CACNA1D: variants seen among roughly 807,000 people sequenced by gnomAD.
CACNA1D encodes the protein voltage-dependent L-type calcium channel subunit alpha-1D.
Under a neutral mutation model 257.1 loss-of-function variants are expected in CACNA1D, and 55 were observed. The ratio of observed to expected loss-of-function variants is 0.21; its 90% CI spans 0.17 to 0.27. The LOEUF is 0.27. Among genes scored for constraint, CACNA1D ranks in the 10% least tolerant of loss-of-function variants. The pLI is 1.00. For synonymous variants in CACNA1D, 980 were observed against 1,014.9 expected (o/e 0.97, Z 0.65); for missense variants, 1,876 against 2,784.0 (o/e 0.67, Z 7.34).
rs765175731 is a variant in CACNA1D at position 53,747,351 on chromosome 3, C to T, written c.3217C>T (p.Arg1073Cys). The change falls in exon 26 of 48, where the codon CGT becomes TGT. Residue 1073 changes from arginine to cysteine, a missense_variant. Transcript: ENST00000350061. ...TGGGGATGTTGACAGTCCTGTGGTC[C>T]GTGAACGGATCTGGCAAAACAGTGA... ...KDGDVDSPVV[R>C]ERIWQNSDFN... 7.4e-6 allele frequency: 12 copies of T among 1,613,804 alleles called. No homozygotes were observed. The highest frequency in any genetic ancestry group is 2.2e-5 in the South Asian group (2 of 91,078).
At chr3:53,739,042 A>G (rs1332097262) in intron 20 of CACNA1D, among the ~76,000 whole-genome samples, 2 of 152,196 alleles carry the variant, frequency 1.3e-5, no homozygotes, top group Non-Finnish European at 2.9e-5. Context: ...AACCAGAAAC[A>G]GTTTGGAAAG....
chr3:53,746,401 A>G (rs1023392643), intron 25 of CACNA1D, among the ~76,000 whole-genome samples: 1 of 152,188 alleles, frequency 6.6e-6, no homozygotes, highest in African/African-American at 2.4e-5. Context: ...AAGAACTGGC[A>G]GAGGAGAGAC....
chr3:53,740,194 T>C, intron 20 of CACNA1D, 86 bp from the exon 21 acceptor site: 1 of 967,698 alleles, frequency 1.0e-6, no homozygotes, highest in African/African-American at 1.6e-5. Flanking sequence ...GGTCTCTGAC[T>C]GGATCGGGGG....
intron 32 of CACNA1D, among the ~76,000 whole-genome samples, chr3:53,770,790 G>A (rs751720841): frequency 1.3e-5 from 2 of 152,238 alleles, no homozygotes. Context: ...TGAGAGATCT[G>A]TAGCATTTCC....
At position 53,749,350 on chromosome 3, in the gene CACNA1D, A is replaced by T. The variant is rs779504539; in HGVS notation, c.3397A>T (p.Ile1133Phe). ...NHRVEISIFF[I>F]IYIIIVAFFM... ...CCGCGTGGAGATCTCCATCTTCTTC[A>T]TCATCTACATCATCATTGTAGCTTT... Residue 1133 changes from isoleucine to phenylalanine, a missense_variant, in exon 27 of 48, where the codon ATC (isoleucine) becomes TTC (phenylalanine). Ile to Phe is a conservative substitution (Grantham distance 21). Coordinates refer to ENST00000350061, the MANE Select transcript of CACNA1D (RefSeq NM_001128840.3). The T allele has an allele frequency of 3.1e-6, 5 of 1,611,880 alleles. No individual in the cohort carries two copies. The highest frequency in any genetic ancestry group is 1.3e-5 in the African/African-American group (1 of 74,668).
chr3:53,693,790 G>A (rs2094549586), intron 8 of CACNA1D, among the ~76,000 whole-genome samples: 1 of 151,924 alleles, frequency 6.6e-6, no homozygotes, highest in Non-Finnish European at 1.5e-5. Flanking sequence ...TTTCAATGGA[G>A]GTTATGTTGT....
intron 5 of CACNA1D, among the ~76,000 whole-genome samples, chr3:53,661,820 G>A (rs962904022): frequency 4.6e-5 from 7 of 152,178 alleles, no homozygotes; most frequent in African/African-American, 1.4e-4. Context: ...GTTTTAAACT[G>A]TATTTCTTCC....
intron 3 of CACNA1D, among the ~76,000 whole-genome samples, chr3:53,558,346 A>G (rs1464024934): frequency 6.6e-6 from 1 of 152,132 alleles, no homozygotes; most frequent in Non-Finnish European, 1.5e-5. Context: ...TTTTTTGAAC[A>G]TTTGGTAGAA....
chr3:53,595,855 C>T (rs2093363454), intron 3 of CACNA1D, among the ~76,000 whole-genome samples: 1 of 152,140 alleles, frequency 6.6e-6, no homozygotes, highest in Non-Finnish European at 1.5e-5. Context: ...CATTTTGTGA[C>T]ATGTGCCTGG....
At chr3:53,530,688 T>C (rs1324660433) in intron 3 of CACNA1D, among the ~76,000 whole-genome samples, 1 of 152,160 alleles carries the variant, frequency 6.6e-6, no homozygotes, top group East Asian at 1.9e-4. Context: ...GGTGTGCATG[T>C]TCTCCAATGC....
intron 40 of CACNA1D, among the ~76,000 whole-genome samples, chr3:53,798,352 C>T (rs530457268): frequency 3.2e-4 from 49 of 151,928 alleles, no homozygotes; most frequent in Middle Eastern, 3.4e-3. Flanking sequence ...TGTGTGTGCA[C>T]GTGCACGCAC....
intron 4 of CACNA1D, among the ~76,000 whole-genome samples, chr3:53,655,797 C>T (rs2094142306): frequency 6.6e-6 from 1 of 152,084 alleles, no homozygotes; most frequent in Non-Finnish European, 1.5e-5. Context: ...GCCCATATGT[C>T]AGGTTTTGCT....
At chr3:53,646,282 G>A (rs188411839) in intron 3 of CACNA1D, among the ~76,000 whole-genome samples, 1 of 152,330 alleles carries the variant, frequency 6.6e-6, no homozygotes, top group Non-Finnish European at 1.5e-5. Flanking sequence ...GAGGCCAGGT[G>A]AGATATTGAG....
intron 3 of CACNA1D, among the ~76,000 whole-genome samples, chr3:53,620,168 T>TAG (rs1433331895): frequency 6.6e-6 from 1 of 152,012 alleles, no homozygotes; most frequent in African/African-American, 2.4e-5. Flanking sequence ...CCAGGACAGG[T>TAG]GTCTAGTGAG....
chr3:53,782,256 G>GTATATATATATATA (rs1219704709), intron 39 of CACNA1D: 1 of 56,148 alleles, frequency 1.8e-5, no homozygotes, highest in African/African-American at 8.3e-5. Flanking sequence ...GTGTGTGTGT[G>GTATATATATATATA]TGTGTGTGTA....
chr3:53,701,731 A>G (rs2094627581), intron 8 of CACNA1D, among the ~76,000 whole-genome samples: 1 of 152,232 alleles, frequency 6.6e-6, no homozygotes. Context: ...ATATATAAAA[A>G]TTGGGTAATC....
At position 53,740,342 on chromosome 3, in the gene CACNA1D, A is replaced by G; in HGVS notation, c.2811+3A>G. 6.2e-7 allele frequency: 1 copy of G among 1,603,488 alleles called. No homozygotes were observed. The highest frequency in any genetic ancestry group is 8.5e-7 in the Non-Finnish European group (1 of 1,170,248). On this transcript the variant is annotated splice_donor_region_variant and intron_variant, in intron 21 of 47. Transcript: ENST00000350061. ...TTACTGTTGAGATCCTGTTGAAGGT[A>G]ATGAATTTTCCTTGATCTTCACATA...
At chr3:53,718,757 T>C (rs1211425506) in intron 10 of CACNA1D, 1 of 1,548,002 alleles carries the variant, frequency 6.5e-7, no homozygotes, top group Non-Finnish European at 8.7e-7. Flanking sequence ...GGCCTGATTC[T>C]CCTTCCAGCC....
At chr3:53,734,383 T>C (rs1334051233) in intron 19 of CACNA1D, among the ~76,000 whole-genome samples, 2 of 152,042 alleles carry the variant, frequency 1.3e-5, no homozygotes, top group Non-Finnish European at 2.9e-5. Flanking sequence ...GATATACATA[T>C]ATACACACAT....
Sources: gnomAD v4.1 joint callset for allele counts (sites outside exome capture counted in the v4.1 genomes callset) on GRCh38, gnomAD v4.1.1 for gene constraint, MANE v1.5 for transcripts, NCBI Gene and HGNC (gene_info 2026-07-23, HGNC 2026-07-21) for gene names.